Variants in CPPED1 observed in about 807,000 individuals in gnomAD.
The protein encoded by CPPED1 is serine/threonine-protein phosphatase CPPED1.
Under a neutral mutation model 28.0 loss-of-function variants are expected in CPPED1, and 28 were observed. The ratio of observed to expected loss-of-function variants is 1.00; its 90% CI spans 0.74 to 1.37. The LOEUF (loss-of-function observed/expected upper bound fraction) is 1.37, where lower values mean the gene tolerates loss of function less well. Ranked by LOEUF, CPPED1 falls within the 40% of genes most tolerant of loss-of-function variation. The pLI, the probability that CPPED1 is intolerant of heterozygous loss-of-function variation, is 0.00. For synonymous variants in CPPED1, 198 were observed against 180.2 expected (o/e 1.10, Z -0.79); for missense variants, 504 against 416.5 (o/e 1.21, Z -1.83).
intron 3 of CPPED1, among the ~76,000 whole-genome samples, chr16:12,686,863 T>C (rs915358325): frequency 4.6e-5 from 7 of 152,048 alleles, no homozygotes; most frequent in Admixed American, 2.6e-4. Flanking sequence ...GTGCAGAAAA[T>C]GTAAAGTGGC....
At chr16:12,694,964 G>C (rs1268343825) in intron 3 of CPPED1, among the ~76,000 whole-genome samples, 1 of 152,036 alleles carries the variant, frequency 6.6e-6, no homozygotes, top group Non-Finnish European at 1.5e-5. Context: ...TTTTAGTAGA[G>C]ACAGGGTTTC....
chr16:12,724,958 T>C (rs929931866), intron 2 of CPPED1, among the ~76,000 whole-genome samples: 1 of 151,786 alleles, frequency 6.6e-6, no homozygotes, highest in African/African-American at 2.4e-5. Context: ...GGCTAATTTT[T>C]TGTATTTTTA....
chr16:12,704,349 G>A (rs1420870009), intron 3 of CPPED1, among the ~76,000 whole-genome samples: 1 of 152,146 alleles, frequency 6.6e-6, no homozygotes, highest in Non-Finnish European at 1.5e-5. Context: ...GCTAGGGTCT[G>A]TTCTCCATGT....
chr16:12,707,515 A>G (rs4781326), intron 2 of CPPED1, among the ~76,000 whole-genome samples: 2,810 of 152,300 alleles, frequency 0.018, 51 homozygotes, highest in East Asian at 0.1. Context: ...TGAGGACTTT[A>G]TAATACACTG....
Position 12,705,038 on chromosome 16 carries a change from G to T in CPPED1, c.301C>A (p.Arg101=). ...TTCAGGTCCTCCGTCTGCTCCGTCC[G>T]CCACGGCTTCCCTGGAAGAGTGAGG... The part of the protein sequence containing the change: ...LIHAMPGKPW[R]TEQTEDLKRV... The change falls in exon 3 of 4, where the codon CGG becomes AGG. Residue 101 remains arginine, a synonymous_variant. Coordinates refer to ENST00000381774, the MANE Select transcript of CPPED1 (RefSeq NM_018340.3). 6.2e-7 allele frequency: 1 copy of T among 1,607,160 alleles called. No homozygotes were observed. Among genetic ancestry groups the T allele is most frequent in the Non-Finnish European group, 8.5e-7 (1 of 1,174,932 alleles).
intron 2 of CPPED1, among the ~76,000 whole-genome samples, chr16:12,718,207 T>C (rs1432608630): frequency 6.6e-6 from 1 of 152,176 alleles, no homozygotes; most frequent in Non-Finnish European, 1.5e-5. Flanking sequence ...TGGCCACGTT[T>C]TTCTTGATGT....
chr16:12,694,143 T>A (rs1254085402), intron 3 of CPPED1, among the ~76,000 whole-genome samples: 1 of 151,912 alleles, frequency 6.6e-6, no homozygotes. Flanking sequence ...GAGGTGGAGG[T>A]TGCAATGAGC....
At chr16:12,785,331 C>G (rs972339303) in intron 1 of CPPED1, among the ~76,000 whole-genome samples, 16 of 152,074 alleles carry the variant, frequency 1.1e-4, no homozygotes, top group African/African-American at 3.9e-4. Flanking sequence ...CTCCCTGCAG[C>G]CTTGTTCTCC....
At chr16:12,773,202 G>A (rs993802832) in intron 2 of CPPED1, among the ~76,000 whole-genome samples, 5 of 152,164 alleles carry the variant, frequency 3.3e-5, no homozygotes, top group Non-Finnish European at 7.3e-5. Flanking sequence ...CCGTTTTCCT[G>A]AACATCAAAG....
intron 2 of CPPED1, among the ~76,000 whole-genome samples, chr16:12,767,406 G>A (rs562990178): frequency 6.6e-6 from 1 of 152,034 alleles, no homozygotes; most frequent in African/African-American, 2.4e-5. Context: ...TCACCCTCAC[G>A]AACACACCCA....
intron 2 of CPPED1, among the ~76,000 whole-genome samples, chr16:12,764,669 G>C (rs904108434): frequency 6.6e-6 from 1 of 152,162 alleles, no homozygotes; most frequent in Non-Finnish European, 1.5e-5. Flanking sequence ...CCATGAGCCT[G>C]GTGGGAGCCA....
intron 2 of CPPED1, among the ~76,000 whole-genome samples, chr16:12,775,154 G>A (rs938898): frequency 0.018 from 2,725 of 152,100 alleles, 90 homozygotes; most frequent in African/African-American, 0.061. Context: ...ACCCGAGTTA[G>A]CACACTCAGC....
rs2079808885 is a variant in CPPED1 at position 12,663,622 on chromosome 16, C to T, written c.*1264G>A. Reference sequence around the variant, plus strand: ...TTAATTATCTTTCCATTTAATTTCCCATGGTTTTGCTACGTTGACTAAACT... The same window carrying T: ...TTAATTATCTTTCCATTTAATTTCCTATGGTTTTGCTACGTTGACTAAACT... On this transcript the variant is annotated 3_prime_UTR_variant, in exon 4 of 4. Coordinates refer to ENST00000381774, the MANE Select transcript of CPPED1 (RefSeq NM_018340.3). 1 of 152,108 alleles carries T rather than the reference C, an allele frequency of 6.6e-6. No individual in the cohort carries two copies. The highest frequency in any genetic ancestry group is 1.5e-5 in the Non-Finnish European group (1 of 68,030). 9.4% of individuals were successfully genotyped at this position (152,108 alleles called of 1,614,324 possible).
intron 3 of CPPED1, among the ~76,000 whole-genome samples, chr16:12,703,728 A>T (rs1443800493): frequency 2.7e-5 from 3 of 109,374 alleles, no homozygotes; most frequent in African/African-American, 8.7e-5. Context: ...AGGAAGAACG[A>T]GGACAAAGAG....
rs998488894 is a variant in CPPED1, at chr16:12,660,025, C to T, written c.*4861G>A. On this transcript the variant is annotated 3_prime_UTR_variant, in exon 4 of 4. Coordinates refer to ENST00000381774, the MANE Select transcript of CPPED1 (RefSeq NM_018340.3). ...CCTCCATGATCCAATTACCTCCCAC[C>T]AGGTCCGTCCCTTGACACATGGGGA... The T allele has an allele frequency of 6.6e-6, 1 of 152,220 alleles. No individual in the cohort carries two copies. The highest frequency in any genetic ancestry group is 1.5e-5 in the Non-Finnish European group (1 of 68,070). The allele number at this position is 152,220 out of a possible 1,614,324, so 9.4% of individuals were successfully genotyped here. A position where few individuals can be genotyped will look rare whatever the true frequency, so the allele number is the denominator to read the frequency against.
intron 2 of CPPED1, among the ~76,000 whole-genome samples, chr16:12,740,025 GAAAGA>G (rs143957219): frequency 0.048 from 6,136 of 128,576 alleles, 268 homozygotes; most frequent in African/African-American, 0.13. Flanking sequence ...AAAGACGAAA[GAAAGA>G]AAAGAAAAGA....
intron 1 of CPPED1, among the ~76,000 whole-genome samples, chr16:12,796,977 T>C (rs977890866): frequency 6.6e-6 from 1 of 152,184 alleles, no homozygotes; most frequent in Non-Finnish European, 1.5e-5. Flanking sequence ...CTCAGAAACC[T>C]TATGCTACCA....
intron 2 of CPPED1, among the ~76,000 whole-genome samples, chr16:12,726,383 C>T (rs1391959419): frequency 6.7e-6 from 1 of 148,662 alleles, no homozygotes; most frequent in Non-Finnish European, 1.5e-5. Context: ...CACTCTGTTG[C>T]CCAGGCTGGA....
intron 2 of CPPED1, among the ~76,000 whole-genome samples, chr16:12,728,816 G>A (rs1369966189): frequency 1.3e-5 from 2 of 152,208 alleles, no homozygotes; most frequent in African/African-American, 2.4e-5. Flanking sequence ...TCTGTGAGGC[G>A]AGAGGCAAGG....
Sources: allele counts gnomAD v4.1 joint callset (sites outside exome capture counted in the v4.1 genomes callset), GRCh38; gene constraint gnomAD v4.1.1; transcripts MANE v1.5; gene names NCBI Gene and HGNC (gene_info 2026-07-23, HGNC 2026-07-21).